Variants in FOXF2 observed in about 807,000 individuals in gnomAD.
FOXF2 encodes the protein forkhead box protein F2.
Under a neutral mutation model 29.1 loss-of-function variants are expected in FOXF2, and 15 were observed. The observed-to-expected ratio is 0.52, with a 90% confidence interval of 0.35 to 0.79. FOXF2 has a LOEUF of 0.79. Ranked by LOEUF, FOXF2 falls within the 30% of genes least tolerant of loss-of-function variation. The pLI is 0.01. For synonymous variants in FOXF2, 337 were observed against 316.5 expected (o/e 1.06, Z -0.69); for missense variants, 675 against 667.1 (o/e 1.01, Z -0.13).
chr6:1,394,846 C>T lies in FOXF2; in HGVS notation c.1322C>T (p.Pro441Leu). 1.2e-6 allele frequency: 2 copies of T among 1,614,148 alleles called. No homozygotes were observed. The highest frequency in any genetic ancestry group is 1.7e-6 in the Non-Finnish European group (2 of 1,180,018). The change falls in exon 2 of 2, where the codon CCC (proline) becomes CTC (leucine). Residue 441 changes from proline to leucine, a missense_variant. Physicochemically the swap from Pro to Leu is moderately conservative, Grantham distance 98 (BLOSUM62 -3). Coordinates refer to ENST00000645481, the MANE Select transcript of FOXF2 (RefSeq NM_001452.2). ...HHQSVCQDIK[P>L]CVM Reference sequence around the variant, plus strand: ...CAGAGCGTCTGTCAGGATATTAAGCCCTGCGTCATGTGAACGGAAAGAGGC... The same window carrying T: ...CAGAGCGTCTGTCAGGATATTAAGCTCTGCGTCATGTGAACGGAAAGAGGC...
rs993148540 is a variant in FOXF2, at chr6:1,390,451, C to T, written c.504C>T (p.Pro168=). The T allele has an allele frequency of 5.6e-6, 9 of 1,611,888 alleles. No homozygotes were observed. The highest frequency in any genetic ancestry group is 7.6e-6 in the Non-Finnish European group (9 of 1,179,922). The change falls in exon 1 of 2, where the codon CCC becomes CCT. Residue 168 remains proline, a synonymous_variant. Coordinates refer to ENST00000645481, the MANE Select transcript of FOXF2 (RefSeq NM_001452.2). This position sits in a 1 kb window ranked among gnomAD's most constrained non-coding sequence, Gnocchi z 8.5. ...AGCTGCCTAAGGGCCTCGGGCGGCC[C>T]GGCAAGGGCCACTACTGGACCATCG... ...FIKLPKGLGR[P]GKGHYWTIDP...
rs756911846 is a variant in FOXF2 at position 1,394,850 on chromosome 6, C to T, written c.1326C>T (p.Cys442=). 6 of 1,614,146 alleles carry T rather than the reference C, an allele frequency of 3.7e-6. No individual in the cohort carries two copies. The highest frequency in any genetic ancestry group is 1.7e-5 in the Admixed American group (1 of 60,022). Residue 442 remains cysteine (C), a synonymous_variant, in exon 2 of 2, where the codon TGC becomes TGT. Coordinates refer to ENST00000645481, the MANE Select transcript of FOXF2 (RefSeq NM_001452.2). ...GCGTCTGTCAGGATATTAAGCCCTG[C>T]GTCATGTGAACGGAAAGAGGCCAAG... is the stretch of plus-strand genomic sequence containing the variant. The part of the protein sequence containing the change: ...HQSVCQDIKP[C]VM
intron 1 of FOXF2, among the ~76,000 whole-genome samples, chr6:1,392,559 TCTC>T (rs1206134334): frequency 6.6e-6 from 1 of 150,520 alleles, no homozygotes; most frequent in Non-Finnish European, 1.5e-5. Flanking sequence ...CTCCCCTTCT[TCTC>T]CTCTCCCGGC....
chr6:1,391,636 G>A (rs1370479017), intron 1 of FOXF2, among the ~76,000 whole-genome samples: 1 of 152,160 alleles, frequency 6.6e-6, no homozygotes, highest in African/African-American at 2.4e-5. Flanking sequence ...AGAGGAGGGG[G>A]TGGGAGGGAC....
In FOXF2 at chr6:1,394,970, A is replaced by ACCTGCCACTTAGCCAGAATG. The variant is rs936424188; in HGVS notation, c.*114_*133dup. 10 of 1,077,708 alleles carry ACCTGCCACTTAGCCAGAATG rather than the reference A, an allele frequency of 9.3e-6. No individual in the cohort carries two copies. The African/African-American group carries it at 9.3e-5, about 10-fold the overall frequency. 66.8% of individuals were successfully genotyped at this position (1,077,708 alleles called of 1,614,324 possible). ...GCACGCGGATAGCAGTAAGCCACAC[A>ACCTGCCACTTAGCCAGAATG]CCTGCCACTTAGCCAGAATGCCCAG... On this transcript the variant is annotated 3_prime_UTR_variant, in exon 2 of 2. Transcript: ENST00000645481.
Position 1,391,099 on chromosome 6 carries a change from C to A in FOXF2, c.1152C>A (p.Asn384Lys). The A allele has an allele frequency of 6.2e-7, 1 of 1,602,982 alleles. No homozygotes were observed. Among genetic ancestry groups the A allele is most frequent in the African/African-American group, 1.3e-5 (1 of 75,054 alleles). ...TGGAGCAGAGCTACTTGCACCAGAA[C>A]GCTCGCGAGGACCTCTCAGGTAACG... ...YSLEQSYLHQ[N>K]AREDLSVGLP... is the part of the protein sequence containing the mutation. The change falls in exon 1 of 2, where the codon AAC becomes AAA. Residue 384 changes from asparagine to lysine, a missense_variant. By Grantham distance (94) the Asn-to-Lys change is moderately conservative. This residue lies in a region of FOXF2 where 451 missense variants were observed against 437.2 expected (regional missense o/e 1.03). Transcript: ENST00000645481.
In FOXF2 at chr6:1,395,098, G is replaced by A. The variant is rs1425386143; in HGVS notation, c.*239G>A. 2 of 565,630 alleles carry A rather than the reference G, an allele frequency of 3.5e-6. No homozygotes were observed. The highest frequency in any genetic ancestry group is 6.4e-6 in the Non-Finnish European group (2 of 314,806). The allele number at this position is 565,630 out of a possible 1,614,324, so 35.0% of individuals were successfully genotyped here. ...TACCTGCAGGCTCCCACATGAGGGAGAGGGCAGACTCAGGTGGGAAGATGT... is the reference window on the plus strand; with the variant it reads ...TACCTGCAGGCTCCCACATGAGGGAAAGGGCAGACTCAGGTGGGAAGATGT... On this transcript the variant is annotated 3_prime_UTR_variant, in exon 2 of 2. Transcript: ENST00000645481.
chr6:1,393,568 C>A (rs911196481), intron 1 of FOXF2, among the ~76,000 whole-genome samples: 4 of 152,146 alleles, frequency 2.6e-5, no homozygotes, highest in African/African-American at 4.8e-5. Context: ...TAGGCAGCGG[C>A]CCCTGAGCAG....
chr6:1,389,928 G>T lies in FOXF2; in HGVS notation c.-20G>T, dbSNP rs1283892088. On this transcript the variant is annotated 5_prime_UTR_variant, in exon 1 of 2. Transcript: ENST00000645481. Reference sequence around the variant, plus strand: ...GCCCGGGGCCCGCCCTCGCGGCCCGGCCTCGCTCCCGGGTCCCAGATGACC... The same window carrying T: ...GCCCGGGGCCCGCCCTCGCGGCCCGTCCTCGCTCCCGGGTCCCAGATGACC... The T allele has an allele frequency of 2.1e-6, 2 of 949,454 alleles. No individual in the cohort carries two copies. Among genetic ancestry groups the T allele is most frequent in the East Asian group, 2.3e-4 (2 of 8,584 alleles). 58.8% of individuals were successfully genotyped at this position (949,454 alleles called of 1,614,324 possible).
At position 1,390,012 on chromosome 6, in the gene FOXF2, C is replaced by T. The variant is rs1758741211; in HGVS notation, c.65C>T (p.Ala22Val). Reference protein sequence around the residue: ...LRRACSPVPGALQAALMSPPP... With the variant: ...LRRACSPVPGVLQAALMSPPP... The stretch of plus-strand genomic sequence containing the variant: ...CGCGCGTGCAGCCCGGTCCCCGGCG[C>T]GCTCCAGGCCGCCCTGATGAGCCCG... Residue 22 changes from alanine to valine, a missense_variant, in exon 1 of 2, where the codon GCG (alanine) becomes GTG (valine). Ala to Val is a moderately conservative substitution (Grantham distance 64). Around this residue, in one of 3 missense-constraint regions of FOXF2, gnomAD observed 220 missense variants for 205.5 expected, o/e 1.07. Transcript: ENST00000645481. This position sits in a 1 kb window ranked among gnomAD's most constrained non-coding sequence, Gnocchi z 8.5. The T allele has an allele frequency of 2.6e-6, 3 of 1,152,714 alleles. No individual in the cohort carries two copies. Among genetic ancestry groups the T allele is most frequent in the African/African-American group, 3.4e-5 (2 of 59,318 alleles). 71.4% of individuals were successfully genotyped at this position (1,152,714 alleles called of 1,614,324 possible).
chr6:1,390,083 T>C lies in FOXF2; in HGVS notation c.136T>C (p.Ser46Pro). Residue 46 changes from serine to proline, a missense_variant, in exon 1 of 2, where the codon TCC becomes CCC. Physicochemically the swap from Ser to Pro is moderately conservative, Grantham distance 74. Transcript: ENST00000645481. This position sits in a 1 kb window ranked among gnomAD's most constrained non-coding sequence, Gnocchi z 8.5. ...CGCCGCCGCCGCCCCGGAGACCACC[T>C]CCTCCTCCTCGTCGTCGTCCTCCGC... ...AAAAAAPETT[S>P]SSSSSSSASC... 7.1e-7 allele frequency: 1 copy of C among 1,401,872 alleles called. No homozygotes were observed. Among genetic ancestry groups the C allele is most frequent in the Non-Finnish European group, 9.4e-7 (1 of 1,063,096 alleles). The allele number at this position is 1,401,872 out of a possible 1,614,324, so 86.8% of individuals were successfully genotyped here. A position where few individuals can be genotyped will look rare whatever the true frequency, so the allele number is the denominator to read the frequency against.
Position 1,391,138 on chromosome 6 carries a change from C to T in FOXF2, c.1171+20C>T, listed in dbSNP as rs569056489. ...TCTCAGGTAACGCAGCACGCTCCAG[C>T]CCAGCCAGCTGGGCGCACCGCTTCT... On this transcript the variant is annotated intron_variant, in intron 1 of 1. Coordinates refer to ENST00000645481, the MANE Select transcript of FOXF2 (RefSeq NM_001452.2). The T allele has an allele frequency of 5.0e-6, 8 of 1,598,204 alleles. No homozygotes were observed. The highest frequency in any genetic ancestry group is 6.8e-6 in the Non-Finnish European group (8 of 1,179,454).
At chr6:1,392,389 C>A (rs945765565) in intron 1 of FOXF2, among the ~76,000 whole-genome samples, 1 of 151,392 alleles carries the variant, frequency 6.6e-6, no homozygotes, top group African/African-American at 2.4e-5. Context: ...CCAATACAGG[C>A]GGCCTTCCCC....
chr6:1,392,077 G>T (rs988313062), intron 1 of FOXF2, among the ~76,000 whole-genome samples: 1 of 152,154 alleles, frequency 6.6e-6, no homozygotes, highest in African/African-American at 2.4e-5. Context: ...AAGGCCCCAA[G>T]CTACTCTCTC....
At chr6:1,394,602 C>A in intron 1 of FOXF2, 94 bp from the exon 2 acceptor site, 1 of 1,217,388 alleles carries the variant, frequency 8.2e-7, no homozygotes, top group Non-Finnish European at 1.2e-6. Context: ...AAAGGCACAG[C>A]AGCACCTTTT....
intron 1 of FOXF2, among the ~76,000 whole-genome samples, chr6:1,392,434 T>TCACTCACACACACACACACACACA (rs1554124327): frequency 5.6e-5 from 6 of 107,772 alleles, no homozygotes; most frequent in South Asian, 3.6e-4. Flanking sequence ...CGGCTGTCAA[T>TCACTCACACACACACACACACACA]CACACACACA....
chr6:1,395,113 T>C lies in FOXF2; in HGVS notation c.*254T>C. The C allele has an allele frequency of 1.8e-6, 1 of 544,504 alleles. No individual in the cohort carries two copies. Among genetic ancestry groups the C allele is most frequent in the East Asian group, 3.2e-5 (1 of 31,634 alleles). 33.7% of individuals were successfully genotyped at this position (544,504 alleles called of 1,614,324 possible). Reference sequence around the variant, plus strand: ...ACATGAGGGAGAGGGCAGACTCAGGTGGGAAGATGTGCCATGCGTAAGGCA... The same window carrying C: ...ACATGAGGGAGAGGGCAGACTCAGGCGGGAAGATGTGCCATGCGTAAGGCA... On this transcript the variant is annotated 3_prime_UTR_variant, in exon 2 of 2. Transcript: ENST00000645481.
At chr6:1,391,239 A>G (rs1453323945) in intron 1 of FOXF2, 121 bp downstream of exon 1, 2 of 1,504,344 alleles carry the variant, frequency 1.3e-6, no homozygotes, top group South Asian at 1.2e-5. Flanking sequence ...GGGCACTGGG[A>G]AAAGCAGATG....
chr6:1,390,867 A>G lies in FOXF2; in HGVS notation c.920A>G (p.Asp307Gly), dbSNP rs1468973102. The change falls in exon 1 of 2, where the codon GAC becomes GGC. Residue 307 changes from aspartate (D) to glycine (G), a missense_variant. Coordinates refer to ENST00000645481, the MANE Select transcript of FOXF2 (RefSeq NM_001452.2). This position sits in a 1 kb window ranked among gnomAD's most constrained non-coding sequence, Gnocchi z 8.5. ...VGAAGGGGGG[D>G]YGPDSSSSPV... The stretch of plus-strand genomic sequence containing the variant: ...GCGGCCGGGGGCGGCGGCGGCGGCG[A>G]CTACGGGCCGGACAGCAGCAGCAGC... The G allele has an allele frequency of 2.4e-6, 3 of 1,228,370 alleles. No homozygotes were observed. The highest frequency in any genetic ancestry group is 1.5e-5 in the South Asian group (1 of 64,676). 76.1% of individuals were successfully genotyped at this position (1,228,370 alleles called of 1,614,324 possible). A position where few individuals can be genotyped will look rare whatever the true frequency, so the allele number is the denominator to read the frequency against.
Sources: gnomAD v4.1 joint callset for allele counts (sites outside exome capture counted in the v4.1 genomes callset) on GRCh38, gnomAD v4.1.1 for gene constraint, gnomAD v4.1.1 regional missense constraint, Gnocchi (gnomAD v3.1) non-coding constraint, MANE v1.5 for transcripts, NCBI Gene and HGNC (gene_info 2026-07-23, HGNC 2026-07-21) for gene names.